The following DRAM2 variants were observed in gnomAD, a reference collection of about 807,000 sequenced individuals.
DRAM2 encodes the protein DNA damage regulated autophagy modulator 2.
Under a neutral mutation model 33.5 loss-of-function variants are expected in DRAM2, and 26 were observed. That is an observed-to-expected ratio of 0.78 (90% confidence interval 0.57 to 1.08). DRAM2 has a LOEUF of 1.08. Ranked by LOEUF, DRAM2 falls within the 50% of genes least tolerant of loss-of-function variation. DRAM2 has a pLI of 0.00. For missense variants in DRAM2, 311 were observed against 318.1 expected (o/e 0.98, Z 0.17); for synonymous variants, 98 against 109.5 (o/e 0.89, Z 0.66).
chr1:111,133,932 A>G (rs1652642501), intron 3 of DRAM2, among the ~76,000 whole-genome samples: 1 of 152,120 alleles, frequency 6.6e-6, no homozygotes, highest in African/African-American at 2.4e-5. Flanking sequence ...TACTTCCCCA[A>G]CCAGGGCACT....
rs200516235 is a variant in DRAM2, at chr1:111,118,790, A to G, written c.693+15T>C. 2.9e-4 allele frequency: 458 copies of G among 1,583,928 alleles called. 1 individual carries two copies. In the African/African-American group the frequency reaches 4.5e-3, roughly 16 times the overall value. Reference sequence around the variant, plus strand: ...GGAAGTCTGACTGAATAAATCTAATATTGTGCCTTCTTACCTGAAAATCAC... The same window carrying G: ...GGAAGTCTGACTGAATAAATCTAATGTTGTGCCTTCTTACCTGAAAATCAC... On this transcript the variant is annotated intron_variant, in intron 9 of 9. Coordinates refer to ENST00000484310, the MANE Select transcript of DRAM2 (RefSeq NM_001349884.2).
intron 6 of DRAM2, 55 bp downstream of exon 6, chr1:111,124,687 A>AAT: frequency 1.3e-6 from 2 of 1,568,686 alleles, no homozygotes; most frequent in Non-Finnish European, 8.7e-7. Context: ...TTTCCCTTTT[A>AAT]ATATATATAT....
At chr1:111,138,899 T>C (rs1444351968) in intron 2 of DRAM2, among the ~76,000 whole-genome samples, 4 of 152,214 alleles carry the variant, frequency 2.6e-5, no homozygotes, top group African/African-American at 9.7e-5. Flanking sequence ...TAAATACCCG[T>C]GGTAATAAAA....
At chr1:111,127,449 A>G (rs1370241703) in intron 4 of DRAM2, among the ~76,000 whole-genome samples, 1 of 152,050 alleles carries the variant, frequency 6.6e-6, no homozygotes, top group African/African-American at 2.4e-5. Flanking sequence ...TTCCAATTCC[A>G]TGAGTCTTTC....
intron 6 of DRAM2, among the ~76,000 whole-genome samples, chr1:111,122,856 C>T (rs771218010): frequency 5.9e-5 from 9 of 151,984 alleles, no homozygotes; most frequent in East Asian, 5.8e-4. Flanking sequence ...CAAAATTACA[C>T]GGCCATAAGT....
intron 4 of DRAM2, among the ~76,000 whole-genome samples, chr1:111,129,174 T>C (rs563573549): frequency 6.6e-6 from 1 of 152,340 alleles, no homozygotes; most frequent in East Asian, 1.9e-4. Context: ...TTATCATTCT[T>C]TAAAAGATTA....
rs1190477515 is a variant in DRAM2 at position 111,120,616 on chromosome 1, C to T, written c.417G>A (p.Gln139=). Residue 139 remains glutamine, a synonymous_variant, in exon 7 of 10, where the codon CAG becomes CAA. Transcript: ENST00000484310. ...FGMGSLYMFV[Q]TILSYQMQPK... ...GCTGCATTTGGTAGGAAAGGATGGT[C>T]TGAACAAACATATATAATGAGCCCA... is the stretch of plus-strand genomic sequence containing the variant. The T allele has an allele frequency of 1.2e-6, 2 of 1,611,862 alleles. No individual in the cohort carries two copies. The highest frequency in any genetic ancestry group is 1.3e-5 in the African/African-American group (1 of 74,816).
chr1:111,131,867 ACT>A (rs759034894), intron 3 of DRAM2, among the ~76,000 whole-genome samples: 1 of 152,070 alleles, frequency 6.6e-6, no homozygotes, highest in Non-Finnish European at 1.5e-5. Flanking sequence ...CTCCATCTTC[ACT>A]GTCACTACTT....
In DRAM2 at chr1:111,117,620, A is replaced by C. The variant is rs1649183360; in HGVS notation, c.*540T>G. The C allele has an allele frequency of 6.5e-6, 1 of 154,836 alleles. No individual in the cohort carries two copies. The highest frequency in any genetic ancestry group is 1.4e-5 in the Non-Finnish European group (1 of 69,808). 9.6% of individuals were successfully genotyped at this position (154,836 alleles called of 1,614,324 possible). On this transcript the variant is annotated 3_prime_UTR_variant, in exon 10 of 10. Transcript: ENST00000484310. Reference sequence around the variant, plus strand: ...CAACACTTAAGCCATGGAAGAGCCCACATGAATCCAGGTCTACTTTCCTTT... The same window carrying C: ...CAACACTTAAGCCATGGAAGAGCCCCCATGAATCCAGGTCTACTTTCCTTT...
At chr1:111,118,353 A>G (rs1186960419) in intron 9 of DRAM2, 86 bp from the exon 10 acceptor site, 2 of 846,078 alleles carry the variant, frequency 2.4e-6, no homozygotes, top group African/African-American at 3.5e-5. Context: ...CTACCTTGTG[A>G]TTATGAATGT....
intron 4 of DRAM2, 29 bp from the exon 5 acceptor site, chr1:111,126,323 T>A: frequency 1.5e-6 from 2 of 1,339,240 alleles, no homozygotes; most frequent in Non-Finnish European, 2.1e-6. Context: ...GGTATGTGGA[T>A]TTCTCATACT....
At chr1:111,121,952 A>AG (rs1241900641) in intron 6 of DRAM2, among the ~76,000 whole-genome samples, 1 of 152,124 alleles carries the variant, frequency 6.6e-6, no homozygotes, top group Non-Finnish European at 1.5e-5. Flanking sequence ...TACCAAACAG[A>AG]GGAAACAGTA....
chr1:111,126,279 T>C lies in DRAM2; in HGVS notation c.147A>G (p.Val49=), dbSNP rs1241655188. Residue 49 remains valine (V), a synonymous_variant, in exon 5 of 10, where the codon GTA becomes GTG. Transcript: ENST00000484310. ...ALPYISDTGT[V]APEKCLFGAM... ...CCCCAAATAAGCATTTTTCTGGAGC[T>C]ACTGTACCAGTGTCACTGAAAGAAA... 4.3e-6 allele frequency: 7 copies of C among 1,609,404 alleles called. No homozygotes were observed. Among genetic ancestry groups the C allele is most frequent in the Non-Finnish European group, 5.9e-6 (7 of 1,177,180 alleles).
chr1:111,120,736 G>A, intron 6 of DRAM2, 43 bp from the exon 7 acceptor site: 1 of 1,433,748 alleles, frequency 7.0e-7, no homozygotes, highest in East Asian at 2.5e-5. Context: ...AAGAAACTCA[G>A]AACACATTGG....
Position 111,119,895 on chromosome 1 carries a change from A to G in DRAM2, c.582T>C (p.His194=), listed in dbSNP as rs746511468. ...NFGTDLEQKL[H]WNPEDKGYVL... is the part of the protein sequence containing the mutation. The stretch of plus-strand genomic sequence containing the variant: ...TTCTTACTTTGTCCTCGGGGTTCCA[A>G]TGGAGTTTCTGTTCTAAATCAGTCC... Residue 194 remains histidine (H), a synonymous_variant, in exon 8 of 10, where the codon CAT becomes CAC. Coordinates refer to ENST00000484310, the MANE Select transcript of DRAM2 (RefSeq NM_001349884.2). 1.4e-5 allele frequency: 23 copies of G among 1,612,734 alleles called. No individual in the cohort carries two copies. The South Asian group carries it at 2.2e-4, about 15-fold the overall frequency.
intron 3 of DRAM2, 47 bp from the exon 4 acceptor site, chr1:111,131,615 C>T: frequency 2.5e-6 from 4 of 1,595,904 alleles, no homozygotes; most frequent in South Asian, 2.2e-5. Context: ...CAAGAGTTTC[C>T]TCATCCTACT....
intron 2 of DRAM2, 129 bp downstream of exon 2, chr1:111,139,372 C>T (rs1258901836): frequency 6.6e-6 from 1 of 152,156 alleles, no homozygotes; most frequent in Non-Finnish European, 1.5e-5. Flanking sequence ...GGGACCCACC[C>T]GCTGCGATAG....
chr1:111,119,080 T>C (rs1557881112), intron 8 of DRAM2, among the ~76,000 whole-genome samples, 183 bp from the exon 9 acceptor site: 1 of 151,964 alleles, frequency 6.6e-6, no homozygotes, highest in Non-Finnish European at 1.5e-5. Flanking sequence ...TCCTCCTAAA[T>C]GACACTCTAT....
At chr1:111,120,416 A>T in intron 7 of DRAM2, 100 bp downstream of exon 7, 2 of 489,990 alleles carry the variant, frequency 4.1e-6, no homozygotes, top group East Asian at 5.6e-5. Context: ...AAAAAAAAAA[A>T]AAAGACAAAA....
Sources: allele counts gnomAD v4.1 joint callset (sites outside exome capture counted in the v4.1 genomes callset), GRCh38; gene constraint gnomAD v4.1.1; transcripts MANE v1.5; gene names NCBI Gene and HGNC (gene_info 2026-07-23, HGNC 2026-07-21).